The following ANO1 variants were observed in gnomAD, a reference collection of about 807,000 sequenced individuals.
ANO1 encodes the protein anoctamin-1.
In ANO1, 59 loss-of-function variants were observed where a neutral mutation model predicts 124.0. The observed-to-expected ratio is 0.48, with a 90% confidence interval of 0.39 to 0.59. The LOEUF (loss-of-function observed/expected upper bound fraction) is 0.59, where lower values mean the gene tolerates loss of function less well. ANO1 is among the 20% of genes least tolerant of loss of function. ANO1 has a pLI of 0.00. For missense variants in ANO1, 1,059 were observed against 1,328.0 expected (o/e 0.80, Z 3.15); for synonymous variants, 529 against 532.0 (o/e 0.99, Z 0.08).
At chr11:70,017,112 T>A (rs1219954654) in intron 1 of ANO1, among the ~76,000 whole-genome samples, 4 of 152,210 alleles carry the variant, frequency 2.6e-5, no homozygotes, top group Non-Finnish European at 5.9e-5. Context: ...AAATACTTGT[T>A]TGATGAATGA....
intron 11 of ANO1, among the ~76,000 whole-genome samples, chr11:70,135,015 C>G (rs568575653): frequency 6.6e-6 from 1 of 152,270 alleles, no homozygotes; most frequent in African/African-American, 2.4e-5. Flanking sequence ...GCTTTCCTGT[C>G]TTATGCTCGA....
At position 70,007,215 on chromosome 11, in the gene ANO1, C is replaced by T. The variant is rs540908095; in HGVS notation, c.58+21049C>T. Among the ~76,000 whole-genome samples, 7 of 151,484 alleles carry T rather than the reference C, an allele frequency of 4.6e-5. No homozygotes were observed. In the South Asian group the frequency reaches 8.4e-4, roughly 18 times the overall value. On this transcript the variant is annotated intron_variant, in intron 1 of 27. Coordinates refer to the ANO1 transcript ENST00000531349. ...TTTCTGTATCTGACTTACTTCACTT[C>T]GCATAATATCCTCAAAGTTCATTCA...
At chr11:70,095,267 G>GGAAGGAAGGAAGGAAAGAAA (rs1309505908) in intron 2 of ANO1, among the ~76,000 whole-genome samples, 15 of 71,348 alleles carry the variant, frequency 2.1e-4, no homozygotes, top group Non-Finnish European at 3.2e-4. Context: ...AAGGAAGGAA[G>GGAAGGAAGGAAGGAAAGAAA]GAAGGAAGGA....
chr11:70,150,012 G>A (rs2047539403), intron 12 of ANO1: 2 of 660,924 alleles, frequency 3.0e-6, no homozygotes, highest in East Asian at 2.9e-5. Flanking sequence ...CCTGTCTGCT[G>A]AAGTGTTTTC....
At chr11:70,111,368 A>G (rs1244744158) in intron 6 of ANO1, among the ~76,000 whole-genome samples, 1 of 151,860 alleles carries the variant, frequency 6.6e-6, no homozygotes, top group African/African-American at 2.4e-5. Flanking sequence ...AGGTGGGGGG[A>G]GCCGGTGAAT....
chr11:70,160,975 T>C (rs530204814), intron 16 of ANO1, among the ~76,000 whole-genome samples, 186 bp from the exon 17 acceptor site: 30 of 152,340 alleles, frequency 2.0e-4, no homozygotes, highest in African/African-American at 6.7e-4. Context: ...CTCATCCATC[T>C]GTCTCTGGTG....
chr11:70,110,539 G>A (rs1460194411), intron 6 of ANO1, among the ~76,000 whole-genome samples: 2 of 152,066 alleles, frequency 1.3e-5, no homozygotes, highest in African/African-American at 2.4e-5. Context: ...TGTGGCTTAA[G>A]CCCCTTCCTC....
At chr11:70,180,419 C>T (rs1455009851) in intron 23 of ANO1, among the ~76,000 whole-genome samples, 1 of 152,106 alleles carries the variant, frequency 6.6e-6, no homozygotes, top group African/African-American at 2.4e-5. Flanking sequence ...ATTACAGGCA[C>T]CCACCACCAC....
chr11:70,022,610 A>T (rs1555002722), intron 1 of ANO1, among the ~76,000 whole-genome samples: 1 of 151,678 alleles, frequency 6.6e-6, no homozygotes, highest in East Asian at 1.9e-4. Flanking sequence ...CATCTCAAAA[A>T]AAAAAAAGAA....
intron 1 of ANO1, among the ~76,000 whole-genome samples, chr11:70,036,500 C>T (rs1050540427): frequency 6.6e-6 from 1 of 152,158 alleles, no homozygotes; most frequent in Non-Finnish European, 1.5e-5. Flanking sequence ...AAGGCCTGCT[C>T]GGTGACTCTT....
At chr11:70,093,807 T>A (rs1021509468) in intron 2 of ANO1, among the ~76,000 whole-genome samples, 39 of 152,226 alleles carry the variant, frequency 2.6e-4, no homozygotes, top group Non-Finnish European at 3.7e-4. Context: ...GGAGAAGGGC[T>A]GCTTTCAGAC....
chr11:70,008,383 GT>G (rs1555000443), intron 1 of ANO1, among the ~76,000 whole-genome samples: 1 of 152,170 alleles, frequency 6.6e-6, no homozygotes, highest in Non-Finnish European at 1.5e-5. Context: ...CAGGTCTTAT[GT>G]TTAGGTCTTT....
chr11:70,087,940 C>G lies in ANO1; in HGVS notation c.297C>G (p.His99Gln), dbSNP rs1202610646. The G allele has an allele frequency of 6.2e-7, 1 of 1,602,794 alleles. No homozygotes were observed. The highest frequency in any genetic ancestry group is 8.5e-7 in the Non-Finnish European group (1 of 1,174,568). Residue 99 changes from histidine to glutamine, a missense_variant, in exon 2 of 26, where the codon CAC becomes CAG. His to Gln is a conservative substitution (Grantham distance 24). Transcript: ENST00000355303. ...PSGARSVKQD[H>Q]PLPGKGASLD... ...GGGCTCGCAGCGTCAAGCAGGACCA[C>G]CCCCTGCCGGGCAAGGGGGCGTCGC...
At position 70,105,800 on chromosome 11, in the gene ANO1, A is replaced by C. The variant is rs1450065595; in HGVS notation, c.747+12A>C. On this transcript the variant is annotated intron_variant, in intron 5 of 25. Coordinates refer to ENST00000355303, the MANE Select transcript of ANO1 (RefSeq NM_018043.7). ...CCCGGAGCACGATTGTAAGTATCGCACGCGCCTGGAAACGGCTCACTGGCA... is the reference window on the plus strand; with the variant it reads ...CCCGGAGCACGATTGTAAGTATCGCCCGCGCCTGGAAACGGCTCACTGGCA... The C allele has an allele frequency of 1.2e-6, 2 of 1,612,440 alleles. 1 individual carries two copies.
chr11:70,162,067 G>A (rs902785145), intron 18 of ANO1, among the ~76,000 whole-genome samples: 3 of 144,582 alleles, frequency 2.1e-5, no homozygotes, highest in Admixed American at 2.1e-4. Flanking sequence ...GTGAGGACCC[G>A]GCAGTGAGGG....
At chr11:70,018,725 T>C (rs111555679) in intron 1 of ANO1, among the ~76,000 whole-genome samples, 2,196 of 152,310 alleles carry the variant, frequency 0.014, 39 homozygotes, top group Admixed American at 0.042. Flanking sequence ...ATCGGACAGA[T>C]ACTCCAAGGC....
rs746339136 is a variant in ANO1, at chr11:70,185,646, A to G, written c.2645A>G (p.Asp882Gly). 1.2e-6 allele frequency: 2 copies of G among 1,613,560 alleles called. No homozygotes were observed. Among genetic ancestry groups the G allele is most frequent in the Non-Finnish European group, 1.7e-6 (2 of 1,179,796 alleles). ...GAAAACAAGTACGACATCTCCAAGGACTTCTGGGCCGTCCTGGCAGCCCGG... is the reference window on the plus strand; with the variant it reads ...GAAAACAAGTACGACATCTCCAAGGGCTTCTGGGCCGTCCTGGCAGCCCGG... Reference protein sequence around the residue: ...WSENKYDISKDFWAVLAARLA... With the variant: ...WSENKYDISKGFWAVLAARLA... Residue 882 changes from aspartate (D) to glycine (G), a missense_variant, in exon 25 of 26, where the codon GAC becomes GGC. Around this residue, in one of 2 missense-constraint regions of ANO1, gnomAD observed 809 missense variants for 1,094.9 expected, o/e 0.74. Coordinates refer to ENST00000355303, the MANE Select transcript of ANO1 (RefSeq NM_018043.7).
At position 70,026,395 on chromosome 11, in the gene ANO1, GACA is replaced by G. The variant is rs569922210; in HGVS notation, c.58+40234_58+40236del. Among the ~76,000 whole-genome samples, 4 of 150,620 alleles carry G rather than the reference GACA, an allele frequency of 2.7e-5. No individual in the cohort carries two copies. The South Asian group carries it at 6.4e-4, about 24-fold the overall frequency. On this transcript the variant is annotated intron_variant, in intron 1 of 27. Transcript: ENST00000531349. ...TGATGACAATGATGATGATAAAAAT[GACA>G]ACAATAATGATGATGACAACAGTAA...
chr11:70,003,599 A>ATGGATGGG (rs782370348), intron 1 of ANO1, among the ~76,000 whole-genome samples: 6,386 of 41,960 alleles, frequency 0.15, 212 homozygotes, highest in Non-Finnish European at 0.24. Flanking sequence ...GGATGGGTGG[A>ATGGATGGG]TGGATGGATG....
Sources: gnomAD v4.1 joint callset for allele counts (sites outside exome capture counted in the v4.1 genomes callset) on GRCh38, gnomAD v4.1.1 for gene constraint, gnomAD v4.1.1 regional missense constraint, MANE v1.5 for transcripts, NCBI Gene and HGNC (gene_info 2026-07-23, HGNC 2026-07-21) for gene names.